The following DPP3 variants were observed in gnomAD, a reference collection of about 807,000 sequenced individuals.
DPP3 encodes dipeptidyl peptidase 3.
A neutral mutation model predicts 89.8 loss-of-function variants in DPP3; 64 were observed. The observed-to-expected ratio is 0.71, with a 90% CI of 0.58 to 0.88. The LOEUF (loss-of-function observed/expected upper bound fraction) is 0.88, where lower values mean the gene tolerates loss of function less well. Ranked by LOEUF, DPP3 falls within the 40% of genes least tolerant of loss-of-function variation. DPP3 has a pLI of 0.00. For synonymous variants in DPP3, 377 were observed against 404.3 expected (o/e 0.93, Z 0.81); for missense variants, 835 against 972.5 (o/e 0.86, Z 1.88).
intron 11 of DPP3, among the ~76,000 whole-genome samples, 162 bp from the exon 12 acceptor site, chr11:66,493,379 C>T (rs1855448617): frequency 6.6e-6 from 1 of 152,216 alleles, no homozygotes; most frequent in African/African-American, 2.4e-5. Flanking sequence ...TCCCTTCCTC[C>T]TGGGTTGTTG....
chr11:66,501,078 C>T (rs1407197378), intron 16 of DPP3, among the ~76,000 whole-genome samples: 2 of 151,972 alleles, frequency 1.3e-5, no homozygotes, highest in East Asian at 3.9e-4. Flanking sequence ...GTCCCAGCTA[C>T]TCAGGAGGCT....
At chr11:66,485,466 G>A (rs1012795618) in intron 3 of DPP3, among the ~76,000 whole-genome samples, 3 of 152,192 alleles carry the variant, frequency 2.0e-5, no homozygotes, top group Non-Finnish European at 2.9e-5. Context: ...AGCACCACTC[G>A]CCCTGACTGC....
At position 66,495,639 on chromosome 11, in the gene DPP3, C is replaced by T. The variant is rs1245241767; in HGVS notation, c.1587C>T (p.Gly529=). 3 of 1,614,156 alleles carry T rather than the reference C, an allele frequency of 1.9e-6. No individual in the cohort carries two copies. The highest frequency in any genetic ancestry group is 2.2e-5 in the East Asian group (1 of 44,878). The change falls in exon 15 of 18, where the codon GGC becomes GGT. Residue 529 remains glycine, a synonymous_variant. Transcript: ENST00000531863. The part of the protein sequence containing the change: ...CLHPQVLEIF[G]FEGADAEDVI... The stretch of plus-strand genomic sequence containing the variant: ...CCTGCCCCTCTCACAGGATCTTTGG[C>T]TTTGAGGGGGCTGATGCGGAGGACG...
chr11:66,491,188 G>C, intron 6 of DPP3, 65 bp from the exon 7 acceptor site: 10 of 1,603,934 alleles, frequency 6.2e-6, no homozygotes, highest in Non-Finnish European at 8.5e-6. Context: ...TCTTACTCAG[G>C]CCTTTTCTCT....
chr11:66,505,235 G>A (rs923558464), intron 17 of DPP3, among the ~76,000 whole-genome samples: 1 of 152,148 alleles, frequency 6.6e-6, no homozygotes, highest in East Asian at 1.9e-4. Flanking sequence ...CTTCTCAAGC[G>A]ACAATTCCAG....
At chr11:66,504,396 CTT>C (rs1191779567) in intron 16 of DPP3, among the ~76,000 whole-genome samples, 1 of 152,094 alleles carries the variant, frequency 6.6e-6, no homozygotes, top group African/African-American at 2.4e-5. Context: ...CCTGAAGCCT[CTT>C]TTATAAGGGC....
At chr11:66,482,524 ACCAGGATGCAAATGT>A in intron 2 of DPP3, 54 bp downstream of exon 2, 1 of 1,578,448 alleles carries the variant, frequency 6.3e-7, no homozygotes. Context: ...GGTGTGAAAG[ACCAGGATGCAAATGT>A]CTGTCTCTTT....
chr11:66,482,226 C>G lies in DPP3; in HGVS notation c.26C>G (p.Pro9Arg). 6.2e-7 allele frequency: 1 copy of G among 1,614,162 alleles called. No homozygotes were observed. Among genetic ancestry groups the G allele is most frequent in the Non-Finnish European group, 8.5e-7 (1 of 1,180,026 alleles). The change falls in exon 2 of 18, where the codon CCC (proline) becomes CGC (arginine). Residue 9 changes from proline to arginine, a missense_variant. Transcript: ENST00000531863. ...ATGGCGGACACCCAGTACATCCTGC[C>G]CAATGACATCGGCGTGTCTAGCCTG... MADTQYILPNDIGVSSLDC... is the reference protein window; with the variant it reads MADTQYILRNDIGVSSLDC...
Position 66,505,478 on chromosome 11 carries a change from G to A in DPP3, c.2041+704G>A, listed in dbSNP as rs116594266. Reference sequence around the variant, plus strand: ...GACTTTGGTGTCTTCATTCATAAAGGCAGTGTGGACTGCTTGCTGATGTTA... The same window carrying A: ...GACTTTGGTGTCTTCATTCATAAAGACAGTGTGGACTGCTTGCTGATGTTA... On this transcript the variant is annotated intron_variant, in intron 17 of 17. Transcript: ENST00000531863. Among the ~76,000 whole-genome samples, 1,154 of 152,278 alleles carry A rather than the reference G, an allele frequency of 7.6e-3. 19 individuals carry two copies. Among genetic ancestry groups the A allele is most frequent in the African/African-American group, 0.026 (1,086 of 41,556 alleles).
rs555769687 is a variant in DPP3 at position 66,483,033 on chromosome 11, AT to A, written c.270+573del. On this transcript the variant is annotated intron_variant, in intron 2 of 17. Coordinates refer to ENST00000531863, the MANE Select transcript of DPP3 (RefSeq NM_130443.4). ...TCTTTCTCTCTCTTTTTTATTTTTTATTTTTTTTTTGTGACAGAGTCTCATT... is the reference window on the plus strand; with the variant it reads ...TCTTTCTCTCTCTTTTTTATTTTTTATTTTTTTTTGTGACAGAGTCTCATT... 212 of 86,992 alleles carry A rather than the reference AT, an allele frequency of 2.4e-3. 5 individuals carry two copies. In the East Asian group the frequency reaches 0.055, roughly 23 times the overall value. The allele number at this position is 86,992 out of a possible 1,614,324, so 5.4% of individuals were successfully genotyped here.
In DPP3 at chr11:66,491,411, C is replaced by T. The variant is rs200187268; in HGVS notation, c.798+28C>T. The T allele has an allele frequency of 4.9e-5, 79 of 1,609,268 alleles. 1 individual carries two copies. Among genetic ancestry groups the T allele is most frequent in the East Asian group, 3.1e-4 (14 of 44,772 alleles). On this transcript the variant is annotated intron_variant, in intron 7 of 17. Coordinates refer to ENST00000531863, the MANE Select transcript of DPP3 (RefSeq NM_130443.4). ...TGGACTGGCTGGGGGCTGAGGGGTG[C>T]GGGCTGAGGACCCCTCTGGGCAGCA...
chr11:66,491,310 G>T lies in DPP3; in HGVS notation c.725G>T (p.Ser242Ile). ...CTGAAGAGCTATGAATTCCGGGGAA[G>T]CCCTTTCCAGGTGACCCGGGGGGAC... ...SKLKSYEFRGSPFQVTRGDYA... is the reference protein window; with the variant it reads ...SKLKSYEFRGIPFQVTRGDYA... Residue 242 changes from serine to isoleucine, a missense_variant, in exon 7 of 18, where the codon AGC becomes ATC. Transcript: ENST00000531863. The T allele has an allele frequency of 6.2e-7, 1 of 1,614,050 alleles. No individual in the cohort carries two copies. Among genetic ancestry groups the T allele is most frequent in the Non-Finnish European group, 8.5e-7 (1 of 1,180,020 alleles).
At chr11:66,504,852 A>T (rs971433922) in intron 17 of DPP3, 78 bp downstream of exon 17, 2 of 1,432,126 alleles carry the variant, frequency 1.4e-6, no homozygotes, top group East Asian at 5.1e-5. Flanking sequence ...GTAAGAACCC[A>T]TCCCAGGGCT....
At chr11:66,505,220 G>T (rs771203586) in intron 17 of DPP3, among the ~76,000 whole-genome samples, 1 of 152,132 alleles carries the variant, frequency 6.6e-6, no homozygotes. Context: ...GCATCATCCC[G>T]CTTCCTTCTC....
At chr11:66,494,092 C>T (rs1463193647) in intron 12 of DPP3, among the ~76,000 whole-genome samples, 1 of 152,150 alleles carries the variant, frequency 6.6e-6, no homozygotes, top group Non-Finnish European at 1.5e-5. Flanking sequence ...CGCTGCTGTT[C>T]CGTGGAACCT....
chr11:66,501,358 T>C (rs1411152998), intron 16 of DPP3, among the ~76,000 whole-genome samples: 2 of 148,880 alleles, frequency 1.3e-5, no homozygotes, highest in Non-Finnish European at 3.0e-5. Flanking sequence ...GAAAATTACG[T>C]CTCAAAAAAA....
chr11:66,494,311 G>A (rs889913300), intron 12 of DPP3, among the ~76,000 whole-genome samples: 14 of 152,174 alleles, frequency 9.2e-5, no homozygotes, highest in Admixed American at 3.3e-4. Flanking sequence ...CTCCGAGGGC[G>A]GGGTTCTGGG....
intron 2 of DPP3, among the ~76,000 whole-genome samples, chr11:66,482,699 A>G (rs937616982): frequency 1.3e-5 from 2 of 152,248 alleles, no homozygotes; most frequent in Non-Finnish European, 2.9e-5. Flanking sequence ...GCCTGACTTC[A>G]AGATAAATGA....
rs200068258 is a variant in DPP3 at position 66,509,085 on chromosome 11, A to T, written c.2048A>T (p.Asp683Val). 1.2e-6 allele frequency: 2 copies of T among 1,613,582 alleles called. No homozygotes were observed. The highest frequency in any genetic ancestry group is 1.3e-5 in the African/African-American group (1 of 74,886). ...VQPNTRLEGS[D>V]VQLLEYEASA... Reference sequence around the variant, plus strand: ...CTCTCCATCTCCTCCCCAGGCTCAGACGTGCAGCTTCTGGAATACGAGGCG... The same window carrying T: ...CTCTCCATCTCCTCCCCAGGCTCAGTCGTGCAGCTTCTGGAATACGAGGCG... Residue 683 changes from aspartate (D) to valine (V), a missense_variant, in exon 18 of 18, where the codon GAC (aspartate) becomes GTC (valine). Asp to Val is a radical substitution (Grantham distance 152, BLOSUM62 -3). Coordinates refer to ENST00000531863, the MANE Select transcript of DPP3 (RefSeq NM_130443.4).
Sources: gnomAD v4.1 joint callset for allele counts (sites outside exome capture counted in the v4.1 genomes callset) on GRCh38, gnomAD v4.1.1 for gene constraint, MANE v1.5 for transcripts, NCBI Gene and HGNC (gene_info 2026-07-23, HGNC 2026-07-21) for gene names.